PON2: variants seen among roughly 807,000 people sequenced by gnomAD.
The protein encoded by PON2 is paraoxonase 2, also known as serum paraoxonase/arylesterase 2.
A neutral mutation model predicts 36.6 loss-of-function variants in PON2; 27 were observed. The ratio of observed to expected loss-of-function variants is 0.74; its 90% CI spans 0.54 to 1.02. PON2 has a LOEUF of 1.02. Among genes scored for constraint, PON2 ranks in the 50% least tolerant of loss-of-function variants. The pLI is 0.00. For synonymous variants in PON2, 149 were observed against 156.3 expected, an observed-to-expected ratio of 0.95 and a Z score of 0.35; for missense variants, 363 against 421.1, an observed-to-expected ratio of 0.86 and a Z score of 1.21.
chr7:95,410,207 G>C (rs141247672), intron 5 of PON2, 106 bp from the exon 6 acceptor site: 2 of 974,786 alleles, frequency 2.1e-6, no homozygotes, highest in African/African-American at 1.6e-5. Context: ...TAAATTTTTG[G>C]TAAGAGGAAA....
In PON2 at chr7:95,405,063, G is replaced by A. The variant is rs1809640529; in HGVS notation, c.*267C>T. ...ATGTTCTGGCAGTTGGAAGGCAAAG[G>A]TGAGGCTTACTTTGTGCAAAATGTA... On this transcript the variant is annotated 3_prime_UTR_variant, in exon 9 of 9. Coordinates refer to ENST00000222572, the MANE Select transcript of PON2 (RefSeq NM_000305.3). 1 of 378,110 alleles carries A rather than the reference G, an allele frequency of 2.6e-6. No individual in the cohort carries two copies. The highest frequency in any genetic ancestry group is 5.0e-6 in the Non-Finnish European group (1 of 201,616). The allele number at this position is 378,110 out of a possible 1,614,324, so 23.4% of individuals were successfully genotyped here.
chr7:95,433,103 T>G (rs984061658), intron 1 of PON2, among the ~76,000 whole-genome samples: 3 of 152,242 alleles, frequency 2.0e-5, no homozygotes, highest in African/African-American at 7.2e-5. Context: ...TCTTACATTA[T>G]GCACTTCCTT....
chr7:95,434,626 C>T (rs920983462), intron 1 of PON2, among the ~76,000 whole-genome samples: 1 of 152,170 alleles, frequency 6.6e-6, no homozygotes, highest in Non-Finnish European at 1.5e-5. Flanking sequence ...TTGTTAGCAG[C>T]AAGGGCTTAT....
chr7:95,406,164 GC>G lies in PON2; in HGVS notation c.860del (p.Gly287AlafsTer30), dbSNP rs1263641297. 1 of 1,613,732 alleles carries G rather than the reference GC, an allele frequency of 6.2e-7. No individual in the cohort carries two copies. Among genetic ancestry groups the G allele is most frequent in the South Asian group, 1.1e-5 (1 of 91,074 alleles). On this transcript the variant is annotated frameshift_variant, in exon 8 of 9. Coordinates refer to ENST00000222572, the MANE Select transcript of PON2 (RefSeq NM_000305.3). LOFTEE classifies it high-confidence loss of function. ...GDIWVGCHPN[G>X]QKLFVYDPNN... Reference sequence around the variant, plus strand: ...TCGGGTCATACACGAAGAGCTTCTGGCCATTAGGATGACAGCCTACCCAGAT... The same window carrying G: ...TCGGGTCATACACGAAGAGCTTCTGGCATTAGGATGACAGCCTACCCAGAT...
chr7:95,414,692 T>A (rs1386684203), intron 3 of PON2, among the ~76,000 whole-genome samples: 2 of 152,214 alleles, frequency 1.3e-5, no homozygotes, highest in Admixed American at 6.5e-5. Flanking sequence ...TCAGAATGTT[T>A]GCATCTTTAC....
chr7:95,419,211 T>C (rs1341359753), intron 2 of PON2, among the ~76,000 whole-genome samples: 4 of 152,192 alleles, frequency 2.6e-5, no homozygotes, highest in South Asian at 4.1e-4. Context: ...GTGCCTCTTA[T>C]TTCTTTAAGT....
chr7:95,425,398 G>C lies in PON2; in HGVS notation c.75-813C>G, dbSNP rs541526366. Among the ~76,000 whole-genome samples the C allele has an allele frequency of 3.3e-5, 5 of 152,248 alleles. No individual in the cohort carries two copies. The East Asian group carries it at 9.6e-4, about 29-fold the overall frequency. Reference sequence around the variant, plus strand: ...TTCCCCCTCCCTCTCCACTCTAGAGGGCCAGGAAGCAGTTTGGGACAATAT... The same window carrying C: ...TTCCCCCTCCCTCTCCACTCTAGAGCGCCAGGAAGCAGTTTGGGACAATAT... On this transcript the variant is annotated intron_variant, in intron 1 of 8. Coordinates refer to ENST00000222572, the MANE Select transcript of PON2 (RefSeq NM_000305.3).
Position 95,405,502 on chromosome 7 carries a change from A to G in PON2, c.907-14T>C. 2 of 1,609,042 alleles carry G rather than the reference A, an allele frequency of 1.2e-6. No homozygotes were observed. Among genetic ancestry groups the G allele is most frequent in the South Asian group, 1.1e-5 (1 of 90,944 alleles). On this transcript the variant is annotated splice_polypyrimidine_tract_variant and intron_variant, in intron 8 of 8. Coordinates refer to ENST00000222572, the MANE Select transcript of PON2 (RefSeq NM_000305.3). The stretch of plus-strand genomic sequence containing the variant: ...GATGCGGAGAACCTATTCAGGGGAT[A>G]CAAAGTATGAATATAAGACCACCGT...
At position 95,405,605 on chromosome 7, in the gene PON2, T is replaced by C. The variant is rs878898927; in HGVS notation, c.907-117A>G. On this transcript the variant is annotated intron_variant, in intron 8 of 8. Transcript: ENST00000222572. ...GATTAAGGGGACATGCTGTTGAAAA[T>C]AGCAGTTACCAATCTTTTTAATGTT... The C allele has an allele frequency of 3.2e-4, 323 of 997,408 alleles. 2 individuals carry two copies. The highest frequency in any genetic ancestry group is 2.0e-3 in the South Asian group (154 of 75,764). The allele number at this position is 997,408 out of a possible 1,614,324, so 61.8% of individuals were successfully genotyped here.
intron 1 of PON2, among the ~76,000 whole-genome samples, chr7:95,429,937 C>T (rs887635555): frequency 2.6e-5 from 4 of 152,090 alleles, no homozygotes; most frequent in African/African-American, 9.7e-5. Flanking sequence ...GGAGCTGGGG[C>T]AAACTGTATT....
At chr7:95,427,297 G>A (rs1789338204) in intron 1 of PON2, among the ~76,000 whole-genome samples, 1 of 152,104 alleles carries the variant, frequency 6.6e-6, no homozygotes, top group Non-Finnish European at 1.5e-5. Context: ...TTTTCTGGGT[G>A]GCAGACCCTA....
chr7:95,420,809 T>C (rs1317751159), intron 2 of PON2, among the ~76,000 whole-genome samples: 3 of 152,200 alleles, frequency 2.0e-5, no homozygotes, highest in Admixed American at 2.0e-4. Context: ...AAAGTCACTT[T>C]TGCCTGTATA....
intron 1 of PON2, among the ~76,000 whole-genome samples, chr7:95,432,991 T>C (rs542338301): frequency 1.3e-5 from 2 of 152,320 alleles, no homozygotes; most frequent in Admixed American, 6.5e-5. Context: ...AGTTACCCCA[T>C]GTCTGCTCTC....
intron 1 of PON2, among the ~76,000 whole-genome samples, chr7:95,428,857 A>T (rs1174979061): frequency 2.6e-5 from 4 of 152,176 alleles, no homozygotes; most frequent in Non-Finnish European, 5.9e-5. Flanking sequence ...ACATTTATTG[A>T]GCTGACTGTG....
At chr7:95,425,701 C>A (rs1301495648) in intron 1 of PON2, among the ~76,000 whole-genome samples, 1 of 152,040 alleles carries the variant, frequency 6.6e-6, no homozygotes, top group Non-Finnish European at 1.5e-5. Flanking sequence ...TCTAGATAAC[C>A]CAGAATGACT....
At position 95,413,331 on chromosome 7, in the gene PON2, ATC is replaced by A. The variant is rs570087053; in HGVS notation, c.202-856_202-855del. ...TGACAGTTTTGTCTTTTTCTTTTCT[ATC>A]TCACATTTCTTTTTCTCGTTTTACT... is the stretch of plus-strand genomic sequence containing the variant. On this transcript the variant is annotated intron_variant, in intron 3 of 8. Coordinates refer to ENST00000222572, the MANE Select transcript of PON2 (RefSeq NM_000305.3). Among the ~76,000 whole-genome samples, 10 of 152,058 alleles carry A rather than the reference ATC, an allele frequency of 6.6e-5. No individual in the cohort carries two copies. In the South Asian group the frequency reaches 1.9e-3, roughly 28 times the overall value.
Position 95,424,613 on chromosome 7 carries a change from CA to C in PON2, c.75-29del, listed in dbSNP as rs756964975. The C allele has an allele frequency of 3.5e-5, 55 of 1,576,142 alleles. 1 individual carries two copies. The South Asian group carries it at 5.8e-4, about 17-fold the overall frequency. ...GTTACAAAGAAAAAAAAACAAAAAA[CA>C]AAAAACTATTTGTTTATGTATTCCC... On this transcript the variant is annotated intron_variant, in intron 1 of 8. Coordinates refer to ENST00000222572, the MANE Select transcript of PON2 (RefSeq NM_000305.3).
At chr7:95,415,809 G>A (rs570859510) in intron 3 of PON2, 172 of 187,584 alleles carry the variant, frequency 9.2e-4, no homozygotes, top group Non-Finnish European at 1.5e-3. Flanking sequence ...AAAATTAGCC[G>A]GGCATGGTGG....
intron 1 of PON2, among the ~76,000 whole-genome samples, chr7:95,429,048 T>A (rs558801477): frequency 8.3e-4 from 127 of 152,182 alleles, no homozygotes; most frequent in African/African-American, 2.5e-3. Flanking sequence ...TTTTTTTTTT[T>A]TATACTTTAA....
Sources: gnomAD v4.1 joint callset for allele counts (sites outside exome capture counted in the v4.1 genomes callset) on GRCh38, gnomAD v4.1.1 for gene constraint, MANE v1.5 for transcripts, NCBI Gene and HGNC (gene_info 2026-07-23, HGNC 2026-07-21) for gene names.